The following ROBO1 variants were observed in gnomAD, a reference collection of about 807,000 sequenced individuals.
ROBO1 encodes the protein roundabout guidance receptor 1.
Under a neutral mutation model 195.9 loss-of-function variants are expected in ROBO1, and 149 were observed. The observed-to-expected ratio is 0.76, with a 90% CI of 0.67 to 0.87. The LOEUF (loss-of-function observed/expected upper bound fraction) is 0.87, where lower values mean the gene tolerates loss of function less well. ROBO1 is among the 40% of genes least tolerant of loss of function. The pLI, the probability that ROBO1 is intolerant of heterozygous loss-of-function variation, is 0.00. For missense variants in ROBO1, 1,933 were observed against 2,068.3 expected (o/e 0.93, Z 1.27); for synonymous variants, 816 against 733.2 (o/e 1.11, Z -1.82).
chr3:78,750,145 T>C (rs924808844), intron 4 of ROBO1, among the ~76,000 whole-genome samples: 1 of 151,874 alleles, frequency 6.6e-6, no homozygotes, highest in East Asian at 1.9e-4. Context: ...TCCTAGAAGG[T>C]TTTTTCTTTA....
chr3:79,693,648 G>A (rs779061134), intron 1 of ROBO1, among the ~76,000 whole-genome samples: 13 of 151,612 alleles, frequency 8.6e-5, no homozygotes, highest in Non-Finnish European at 1.8e-4. Context: ...ATGTGGCCCA[G>A]GCTGGTCTCA....
At chr3:79,394,375 A>T (rs1453814336) in intron 2 of ROBO1, among the ~76,000 whole-genome samples, 1 of 152,108 alleles carries the variant, frequency 6.6e-6, no homozygotes, top group Non-Finnish European at 1.5e-5. Flanking sequence ...CCTACTTGTT[A>T]CTACAGGGCT....
At chr3:79,705,260 T>C (rs962851823) in intron 1 of ROBO1, among the ~76,000 whole-genome samples, 1 of 152,024 alleles carries the variant, frequency 6.6e-6, no homozygotes, top group Non-Finnish European at 1.5e-5. Flanking sequence ...ATAAAGTTAC[T>C]ACCAAATCCA....
At chr3:79,188,656 C>CA (rs2081485358) in intron 2 of ROBO1, among the ~76,000 whole-genome samples, 1 of 151,704 alleles carries the variant, frequency 6.6e-6, no homozygotes, top group South Asian at 2.1e-4. Flanking sequence ...GATGCCCTTT[C>CA]ATTGAACCAA....
chr3:79,577,078 T>C (rs1252226407), intron 2 of ROBO1, among the ~76,000 whole-genome samples: 3 of 152,162 alleles, frequency 2.0e-5, no homozygotes, highest in Non-Finnish European at 4.4e-5. Flanking sequence ...TAACTATATT[T>C]AATATTTTAA....
At chr3:78,842,924 A>T (rs570087480) in intron 4 of ROBO1, among the ~76,000 whole-genome samples, 1 of 152,062 alleles carries the variant, frequency 6.6e-6, no homozygotes, top group African/African-American at 2.4e-5. Flanking sequence ...TTCACTACAG[A>T]GCTATTTGCT....
chr3:79,109,668 T>C (rs769836400), intron 3 of ROBO1, among the ~76,000 whole-genome samples: 2 of 152,190 alleles, frequency 1.3e-5, no homozygotes, highest in African/African-American at 4.8e-5. Context: ...ATCTTTATTA[T>C]TAGTTTTTAA....
intron 1 of ROBO1, among the ~76,000 whole-genome samples, chr3:79,690,841 A>G (rs1374011694): frequency 1.3e-5 from 2 of 151,852 alleles, no homozygotes; most frequent in Non-Finnish European, 2.9e-5. Flanking sequence ...ATCTTTTCCA[A>G]AATATCCCAA....
chr3:78,834,873 TTC>T lies in ROBO1; in HGVS notation c.500-87975_500-87974del, dbSNP rs2032564570. On this transcript the variant is annotated intron_variant, in intron 4 of 30. Transcript: ENST00000464233. The stretch of plus-strand genomic sequence containing the variant: ...TGCACTAAACAGTTGGTACAGAAAT[TTC>T]TTTCTTCCATACTGATTATAGACAT... Among the ~76,000 whole-genome samples the T allele has an allele frequency of 1.3e-4, 20 of 152,314 alleles. No individual in the cohort carries two copies. In the South Asian group the frequency reaches 3.9e-3, roughly 30 times the overall value.
chr3:79,085,604 C>A (rs552153979), intron 3 of ROBO1, among the ~76,000 whole-genome samples: 2 of 152,218 alleles, frequency 1.3e-5, no homozygotes, highest in South Asian at 4.1e-4. Flanking sequence ...GAGTGATGAG[C>A]TTGTGGGGCC....
chr3:78,766,259 A>T (rs751630564), intron 4 of ROBO1, among the ~76,000 whole-genome samples: 1 of 152,190 alleles, frequency 6.6e-6, no homozygotes, highest in Non-Finnish European at 1.5e-5. Context: ...ATAGCAGGGA[A>T]CAGAGCATCT....
At chr3:78,690,790 CA>C (rs1189899490) in intron 8 of ROBO1, among the ~76,000 whole-genome samples, 1 of 152,078 alleles carries the variant, frequency 6.6e-6, no homozygotes, top group African/African-American at 2.4e-5. Context: ...TATAAATGTT[CA>C]AACCACTTAC....
At chr3:78,756,580 TAAAC>T (rs1351794759) in intron 4 of ROBO1, among the ~76,000 whole-genome samples, 11 of 152,180 alleles carry the variant, frequency 7.2e-5, no homozygotes, top group South Asian at 2.1e-4. Flanking sequence ...GCTAGTAAGA[TAAAC>T]AAGACAAAGT....
At chr3:79,194,875 G>A (rs1189461162) in intron 2 of ROBO1, among the ~76,000 whole-genome samples, 1 of 151,450 alleles carries the variant, frequency 6.6e-6, no homozygotes, top group Non-Finnish European at 1.5e-5. Context: ...CAAATGTTCT[G>A]CCTCAATAAT....
intron 19 of ROBO1, among the ~76,000 whole-genome samples, chr3:78,649,053 G>A (rs1706480933): frequency 6.7e-6 from 1 of 150,272 alleles, no homozygotes; most frequent in South Asian, 2.1e-4. Context: ...TTTTTTTTCA[G>A]TCAGGTCTTT....
chr3:79,750,789 A>G (rs1178747660), intron 1 of ROBO1, among the ~76,000 whole-genome samples: 1 of 152,176 alleles, frequency 6.6e-6, no homozygotes, highest in Admixed American at 6.5e-5. Flanking sequence ...TTCTCAGTCT[A>G]GGGTATGTCT....
chr3:79,343,887 A>G (rs1330949136), intron 2 of ROBO1, among the ~76,000 whole-genome samples: 2 of 152,150 alleles, frequency 1.3e-5, no homozygotes, highest in African/African-American at 4.8e-5. Flanking sequence ...GTTCCATGTC[A>G]TAAGACCTAG....
intron 27 of ROBO1, 111 bp downstream of exon 27, chr3:78,617,521 ACTG>A: frequency 4.4e-6 from 5 of 1,130,980 alleles, no homozygotes; most frequent in South Asian, 2.1e-5. Context: ...AAAAAAAAAA[ACTG>A]TAAGAATAGA....
chr3:79,247,757 A>C (rs2108899533), intron 2 of ROBO1, among the ~76,000 whole-genome samples: 1 of 152,266 alleles, frequency 6.6e-6, no homozygotes, highest in Admixed American at 6.5e-5. Context: ...ATACTCCTCA[A>C]GTAATATGCC....
Sources: allele counts gnomAD v4.1 joint callset (sites outside exome capture counted in the v4.1 genomes callset), GRCh38; gene constraint gnomAD v4.1.1; transcripts MANE v1.5; gene names NCBI Gene and HGNC (gene_info 2026-07-23, HGNC 2026-07-21).